The following RIMS2 variants were observed in gnomAD, a reference collection of about 807,000 sequenced individuals.
RIMS2 encodes regulating synaptic membrane exocytosis protein 2.
A neutral mutation model predicts 174.4 loss-of-function variants in RIMS2; 59 were observed. The observed-to-expected ratio is 0.34, with a 90% CI of 0.27 to 0.42. RIMS2 has a LOEUF of 0.42. Among genes scored for constraint, RIMS2 ranks in the 10% least tolerant of loss-of-function variants. The pLI is 1.00. For synonymous variants in RIMS2, 606 were observed against 572.5 expected (o/e 1.06, Z -0.84); for missense variants, 1,620 against 1,666.3 (o/e 0.97, Z 0.48).
At chr8:103,922,002 A>G (rs1353612240) in intron 10 of RIMS2, 1 of 303,284 alleles carries the variant, frequency 3.3e-6, no homozygotes, top group Non-Finnish European at 6.1e-6. Context: ...TAAAAGTTAC[A>G]TTTTGTAAAG....
At chr8:104,018,558 A>G (rs1462989408) in intron 19 of RIMS2, among the ~76,000 whole-genome samples, 1 of 152,168 alleles carries the variant, frequency 6.6e-6, no homozygotes, top group Admixed American at 6.5e-5. Flanking sequence ...TGACCAAGAC[A>G]TACACCTACC....
intron 19 of RIMS2, among the ~76,000 whole-genome samples, chr8:104,186,593 A>C (rs907940006): frequency 6.6e-6 from 1 of 151,686 alleles, no homozygotes; most frequent in African/African-American, 2.4e-5. Flanking sequence ...CTACCATGTC[A>C]CTTCATTCTC....
chr8:104,251,284 CT>C (rs1178368958), intron 23 of RIMS2, 121 bp downstream of exon 29: 1 of 911,628 alleles, frequency 1.1e-6, no homozygotes, highest in Non-Finnish European at 1.6e-6. Flanking sequence ...TCTTTGGAAA[CT>C]TTTCAAAGCA....
At chr8:103,717,291 T>C (rs1407088136) in intron 2 of RIMS2, among the ~76,000 whole-genome samples, 1 of 141,206 alleles carries the variant, frequency 7.1e-6, no homozygotes, top group Admixed American at 7.6e-5. Flanking sequence ...TACTGCAATT[T>C]CTTTCTTTTT....
In RIMS2 at chr8:103,934,949, G is replaced by A. The variant is rs540950227; in HGVS notation, c.2376-1602G>A. Among the ~76,000 whole-genome samples the A allele has an allele frequency of 2.6e-5, 4 of 151,826 alleles. No individual in the cohort carries two copies. The South Asian group carries it at 6.2e-4, about 24-fold the overall frequency. On this transcript the variant is annotated intron_variant, in intron 12 of 23. Transcript: ENST00000504942. ...CTTGACCTCGTGATCCACCCGCCTC[G>A]GCCTCCCAAAGTGCTGGGATTACAG...
chr8:104,070,276 C>T (rs564900693), intron 19 of RIMS2, among the ~76,000 whole-genome samples: 2 of 152,104 alleles, frequency 1.3e-5, no homozygotes, highest in African/African-American at 4.8e-5. Flanking sequence ...ATGGTGCATA[C>T]AAAATTATTT....
intron 3 of RIMS2, among the ~76,000 whole-genome samples, chr8:103,798,817 G>A (rs1182848872): frequency 1.3e-5 from 2 of 151,974 alleles, no homozygotes; most frequent in Non-Finnish European, 2.9e-5. Context: ...AAGGGACTTT[G>A]CAGACATGAT....
chr8:103,804,291 A>G (rs1324255336), intron 3 of RIMS2, among the ~76,000 whole-genome samples: 1 of 152,168 alleles, frequency 6.6e-6, no homozygotes, highest in East Asian at 1.9e-4. Flanking sequence ...AAGGCAAATA[A>G]CATTTTAGTA....
chr8:104,156,618 A>G (rs772222542), intron 19 of RIMS2, among the ~76,000 whole-genome samples: 2 of 152,202 alleles, frequency 1.3e-5, no homozygotes, highest in African/African-American at 4.8e-5. Flanking sequence ...AAATATCTGC[A>G]TATATTTTAT....
chr8:103,836,622 G>A (rs575289955), intron 3 of RIMS2, among the ~76,000 whole-genome samples: 131 of 152,190 alleles, frequency 8.6e-4, no homozygotes, highest in African/African-American at 3.1e-3. Flanking sequence ...TTTGCAGTAA[G>A]TTTCTCAACA....
intron 16 of RIMS2, chr8:103,976,548 C>CTTTTTTTTTTTTTTTTTTTTT (rs768820871): frequency 8.0e-6 from 1 of 124,568 alleles, no homozygotes; most frequent in Non-Finnish European, 1.7e-5. Flanking sequence ...TTTTCTTTTT[C>CTTTTTTTTTTTTTTTTTTTTT]TTTTTTTTTT....
chr8:103,685,949 T>C (rs904854100), intron 1 of RIMS2, among the ~76,000 whole-genome samples: 15 of 152,182 alleles, frequency 9.9e-5, no homozygotes, highest in Non-Finnish European at 2.1e-4. Flanking sequence ...AGTCTTGCCA[T>C]TGGTTAATGT....
At position 103,990,192 on chromosome 8, in the gene RIMS2, C is replaced by T. The variant is rs571258289; in HGVS notation, c.3044+771C>T. Among the ~76,000 whole-genome samples the T allele has an allele frequency of 3.9e-5, 6 of 152,032 alleles. No individual in the cohort carries two copies. The South Asian group carries it at 1.2e-3, about 32-fold the overall frequency. On this transcript the variant is annotated intron_variant, in intron 17 of 23. Coordinates refer to ENST00000504942, the Ensembl canonical transcript of RIMS2. Reference sequence around the variant, plus strand: ...AAGTCCCTTTGTATGCATCCTAAACCGATTTTAGGAAGAACATTTGAGGGC... The same window carrying T: ...AAGTCCCTTTGTATGCATCCTAAACTGATTTTAGGAAGAACATTTGAGGGC...
intron 2 of RIMS2, among the ~76,000 whole-genome samples, chr8:103,743,969 A>G (rs12548865): frequency 0.15 from 22,873 of 152,206 alleles, 1,794 homozygotes; most frequent in Middle Eastern, 0.24. Flanking sequence ...GAGTTGGATC[A>G]TCCTTACATT....
At chr8:104,105,370 G>T (rs146179866) in intron 19 of RIMS2, among the ~76,000 whole-genome samples, 129 of 152,132 alleles carry the variant, frequency 8.5e-4, no homozygotes, top group African/African-American at 2.9e-3. Context: ...GAACCTCAGG[G>T]GAAACAGCAT....
intron 3 of RIMS2, among the ~76,000 whole-genome samples, chr8:103,827,305 A>T (rs1206751461): frequency 6.6e-6 from 1 of 152,168 alleles, no homozygotes; most frequent in East Asian, 1.9e-4. Context: ...CTTATTTTTA[A>T]TATTAACCTT....
intron 19 of RIMS2, among the ~76,000 whole-genome samples, chr8:104,057,481 A>G (rs1054953059): frequency 2.6e-5 from 4 of 152,102 alleles, no homozygotes; most frequent in African/African-American, 9.7e-5. Flanking sequence ...CAAAACAAAC[A>G]CATATTATTT....
chr8:103,692,179 C>T (rs543948077), intron 1 of RIMS2, among the ~76,000 whole-genome samples: 1 of 152,236 alleles, frequency 6.6e-6, no homozygotes, highest in East Asian at 1.9e-4. Context: ...CCTTGTGCCT[C>T]ACCGAAAGCT....
At position 103,603,082 on chromosome 8, in the gene RIMS2, G is replaced by T. The variant is rs112578816; in HGVS notation, c.177-94004G>T. Among the ~76,000 whole-genome samples, 375 of 151,160 alleles carry T rather than the reference G, an allele frequency of 2.5e-3. 2 individuals carry two copies. Among genetic ancestry groups the T allele is most frequent in the Non-Finnish European group, 3.8e-3 (261 of 67,820 alleles). On this transcript the variant is annotated intron_variant, in intron 1 of 23. Transcript: ENST00000504942. ...TACATATGTATACATGTGCCATGCTGGTGCACTGCACCCACTAACTCGTCA... is the reference window on the plus strand; with the variant it reads ...TACATATGTATACATGTGCCATGCTTGTGCACTGCACCCACTAACTCGTCA...
Sources: allele counts gnomAD v4.1 joint callset (sites outside exome capture counted in the v4.1 genomes callset), GRCh38; gene constraint gnomAD v4.1.1; transcripts MANE v1.5; gene names NCBI Gene and HGNC (gene_info 2026-07-23, HGNC 2026-07-21).